The following AGBL4 variants were observed in gnomAD, a reference collection of about 807,000 sequenced individuals.
The protein encoded by AGBL4 is cytosolic carboxypeptidase 6.
In AGBL4, 58 loss-of-function variants were observed where a neutral mutation model predicts 66.4. The observed-to-expected ratio is 0.87, with a 90% CI of 0.71 to 1.09. AGBL4 has a LOEUF of 1.09. Among genes scored for constraint, AGBL4 ranks in the 50% least tolerant of loss-of-function variants. The pLI is 0.00. For synonymous variants in AGBL4, 234 were observed against 222.9 expected (o/e 1.05, Z -0.44); for missense variants, 579 against 631.0 (o/e 0.92, Z 0.88).
chr1:49,796,778 T>C (rs1168759794), intron 2 of AGBL4, among the ~76,000 whole-genome samples: 1 of 151,998 alleles, frequency 6.6e-6, no homozygotes, highest in African/African-American at 2.4e-5. Flanking sequence ...ATGCCTTTTC[T>C]ATCTTTTACA....
intron 2 of AGBL4, among the ~76,000 whole-genome samples, chr1:49,796,023 A>C (rs1018424849): frequency 6.6e-6 from 1 of 151,938 alleles, no homozygotes; most frequent in Non-Finnish European, 1.5e-5. Context: ...TACTGGCCAC[A>C]ATGATAACTA....
chr1:49,935,744 T>C (rs1292213740), intron 1 of AGBL4, among the ~76,000 whole-genome samples: 2 of 152,134 alleles, frequency 1.3e-5, no homozygotes, highest in Admixed American at 6.5e-5. Flanking sequence ...AGTGGACCTC[T>C]AGCAAACTCC....
intron 3 of AGBL4, among the ~76,000 whole-genome samples, chr1:49,566,820 A>T (rs1265602756): frequency 6.6e-6 from 1 of 152,136 alleles, no homozygotes; most frequent in Non-Finnish European, 1.5e-5. Flanking sequence ...ACTCTCTTCA[A>T]AGCTGTCAGA....
intron 4 of AGBL4, among the ~76,000 whole-genome samples, chr1:49,238,037 A>G (rs548664225): frequency 1.4e-3 from 214 of 152,260 alleles, no homozygotes; most frequent in Middle Eastern, 3.4e-3. Flanking sequence ...TCAGGCTTCA[A>G]TAGTTTCTGT....
intron 1 of AGBL4, among the ~76,000 whole-genome samples, chr1:49,956,522 C>T (rs1656618994): frequency 6.6e-6 from 1 of 151,618 alleles, no homozygotes; most frequent in Non-Finnish European, 1.5e-5. Flanking sequence ...AATGACTTAC[C>T]CTTAAGAAAT....
chr1:49,888,960 C>T (rs920283251), intron 1 of AGBL4, among the ~76,000 whole-genome samples: 2 of 152,150 alleles, frequency 1.3e-5, no homozygotes, highest in Non-Finnish European at 2.9e-5. Context: ...ATGGCTTCTG[C>T]TCTAAATATG....
chr1:48,673,978 C>T (rs1444140873), intron 6 of AGBL4, among the ~76,000 whole-genome samples: 1 of 152,194 alleles, frequency 6.6e-6, no homozygotes, highest in Non-Finnish European at 1.5e-5. Flanking sequence ...ATGGATCTCA[C>T]TCCCGTACTC....
At chr1:49,658,006 T>C (rs928818924) in intron 3 of AGBL4, among the ~76,000 whole-genome samples, 3 of 151,988 alleles carry the variant, frequency 2.0e-5, no homozygotes, top group Non-Finnish European at 4.4e-5. Flanking sequence ...AATTGACAAA[T>C]GGGATCTAAT....
intron 2 of AGBL4, among the ~76,000 whole-genome samples, chr1:49,815,876 C>T (rs561287146): frequency 4.6e-5 from 7 of 152,034 alleles, no homozygotes; most frequent in African/African-American, 1.7e-4. Flanking sequence ...GGGAAACACT[C>T]ACCTAATTTC....
At chr1:49,702,241 C>G (rs995208446) in intron 2 of AGBL4, among the ~76,000 whole-genome samples, 7 of 151,954 alleles carry the variant, frequency 4.6e-5, no homozygotes, top group African/African-American at 1.7e-4. Context: ...ACCTGTAATC[C>G]CAGCACTTTG....
chr1:49,422,463 T>G (rs1557926117), intron 3 of AGBL4, among the ~76,000 whole-genome samples: 1 of 152,186 alleles, frequency 6.6e-6, no homozygotes, highest in Admixed American at 6.5e-5. Flanking sequence ...TTTCAACTAG[T>G]TTCAAAAAAT....
At chr1:49,611,876 T>A (rs1412462463) in intron 3 of AGBL4, among the ~76,000 whole-genome samples, 1 of 152,210 alleles carries the variant, frequency 6.6e-6, no homozygotes, top group African/African-American at 2.4e-5. Flanking sequence ...GAAATATTTT[T>A]AAAAATACAA....
chr1:49,692,532 C>G (rs1356148178), intron 3 of AGBL4, among the ~76,000 whole-genome samples: 5 of 152,020 alleles, frequency 3.3e-5, no homozygotes, highest in African/African-American at 4.8e-5. Context: ...TCCTGGCTAG[C>G]ACGGTGAAAC....
intron 6 of AGBL4, among the ~76,000 whole-genome samples, chr1:48,727,368 A>G (rs146852545): frequency 0.014 from 2,075 of 152,296 alleles, 28 homozygotes; most frequent in Non-Finnish European, 0.018. Flanking sequence ...AGCCCTTCAG[A>G]TCTGTAGAAA....
At chr1:49,430,130 GGC>G (rs2148655545) in intron 3 of AGBL4, among the ~76,000 whole-genome samples, 1 of 152,222 alleles carries the variant, frequency 6.6e-6, no homozygotes, top group East Asian at 1.9e-4. Flanking sequence ...TGGGATTACA[GGC>G]GTGAGACACC....
chr1:48,894,620 T>C (rs780439302), intron 5 of AGBL4, among the ~76,000 whole-genome samples: 6 of 151,610 alleles, frequency 4.0e-5, no homozygotes, highest in Non-Finnish European at 7.4e-5. Context: ...ATGTAGTATA[T>C]AGTAAAAAAA....
chr1:49,111,396 G>A (rs1645408280), intron 4 of AGBL4, among the ~76,000 whole-genome samples: 1 of 152,180 alleles, frequency 6.6e-6, no homozygotes, highest in African/African-American at 2.4e-5. Flanking sequence ...ACAGGCATGA[G>A]CCACCGCACC....
chr1:48,868,297 C>A (rs1202839838), intron 5 of AGBL4, among the ~76,000 whole-genome samples: 1 of 152,188 alleles, frequency 6.6e-6, no homozygotes, highest in Non-Finnish European at 1.5e-5. Context: ...CTTTATCTTG[C>A]CTCTATCCAA....
chr1:48,633,280 A>G (rs1356708854), intron 9 of AGBL4, among the ~76,000 whole-genome samples: 1 of 152,182 alleles, frequency 6.6e-6, no homozygotes, highest in Non-Finnish European at 1.5e-5. Flanking sequence ...TTTTAAGCGC[A>G]CTTTTCTATC....
Sources: gnomAD v4.1 joint callset for allele counts (sites outside exome capture counted in the v4.1 genomes callset) on GRCh38, gnomAD v4.1.1 for gene constraint, MANE v1.5 for transcripts, NCBI Gene and HGNC (gene_info 2026-07-23, HGNC 2026-07-21) for gene names.